LSAMP: variants seen among roughly 807,000 people sequenced by gnomAD.
LSAMP encodes limbic system-associated membrane protein.
Under a neutral mutation model 38.6 loss-of-function variants are expected in LSAMP, and 7 were observed. That is an observed-to-expected ratio of 0.18 (90% CI 0.10 to 0.34). The LOEUF (loss-of-function observed/expected upper bound fraction) is 0.34. Ranked by LOEUF, LSAMP falls within the 10% of genes least tolerant of loss-of-function variation. LSAMP has a pLI of 1.00. For synonymous variants in LSAMP, 154 were observed against 166.8 expected, an observed-to-expected ratio of 0.92 and a Z score of 0.59; for missense variants, 313 against 420.0, an observed-to-expected ratio of 0.75 and a Z score of 2.23.
At chr3:115,914,439 G>A (rs919101906) in intron 3 of LSAMP, among the ~76,000 whole-genome samples, 11 of 152,172 alleles carry the variant, frequency 7.2e-5, no homozygotes, top group Admixed American at 1.3e-4. Context: ...TCCCCCTATC[G>A]TTGGTGTTTC....
At chr3:115,833,032 A>G (rs1000519303) in intron 6 of LSAMP, among the ~76,000 whole-genome samples, 8 of 152,322 alleles carry the variant, frequency 5.3e-5, no homozygotes, top group Admixed American at 5.2e-4. Flanking sequence ...GCTCTCACAA[A>G]TGATACCTAG....
chr3:116,388,035 C>T (rs1192016550), intron 1 of LSAMP, among the ~76,000 whole-genome samples: 1 of 151,838 alleles, frequency 6.6e-6, no homozygotes, highest in African/African-American at 2.4e-5. Flanking sequence ...ACCTGGGAGG[C>T]GGAGCTTGTG....
At chr3:115,861,278 T>G (rs1393270520) in intron 3 of LSAMP, among the ~76,000 whole-genome samples, 1 of 151,806 alleles carries the variant, frequency 6.6e-6, no homozygotes, top group Non-Finnish European at 1.5e-5. Flanking sequence ...ATTCTATTTG[T>G]TTAAAGTCCT....
At chr3:116,046,736 T>C (rs1941297451) in intron 2 of LSAMP, among the ~76,000 whole-genome samples, 1 of 152,180 alleles carries the variant, frequency 6.6e-6, no homozygotes, top group African/African-American at 2.4e-5. Context: ...TTTCTTGCAT[T>C]TGCCCAAATA....
At chr3:116,041,796 C>CAAAAAAAAAAAA (rs148805855) in intron 2 of LSAMP, among the ~76,000 whole-genome samples, 1 of 57,080 alleles carries the variant, frequency 1.8e-5, no homozygotes, top group Non-Finnish European at 4.5e-5. Flanking sequence ...TGAAAGCATG[C>CAAAAAAAAAAAA]AAAAAAAAAC....
chr3:116,408,967 C>A (rs1269607810), intron 1 of LSAMP, among the ~76,000 whole-genome samples: 3 of 151,976 alleles, frequency 2.0e-5, no homozygotes, highest in African/African-American at 7.3e-5. Context: ...CTTGCTGTTG[C>A]GTCATTGTGC....
intron 5 of LSAMP, 30 bp downstream of exon 5, chr3:115,842,428 G>C: frequency 6.2e-7 from 1 of 1,610,776 alleles, no homozygotes; most frequent in Non-Finnish European, 8.5e-7. Context: ...ATGCAGTGGA[G>C]TCATGGGGGA....
chr3:115,973,708 T>C (rs923583980), intron 3 of LSAMP, among the ~76,000 whole-genome samples: 2 of 152,168 alleles, frequency 1.3e-5, no homozygotes, highest in African/African-American at 2.4e-5. Context: ...CACTTCAGCC[T>C]GGGTGGCAAG....
chr3:115,914,097 C>G (rs1446255426), intron 3 of LSAMP, among the ~76,000 whole-genome samples: 1 of 152,134 alleles, frequency 6.6e-6, no homozygotes, highest in African/African-American at 2.4e-5. Context: ...TCCGCAGATA[C>G]AAGTTAGAGT....
chr3:116,368,249 T>C (rs2048382368), intron 1 of LSAMP: 1 of 152,186 alleles, frequency 6.6e-6, no homozygotes, highest in Non-Finnish European at 1.5e-5. Flanking sequence ...ACTAGGCTAA[T>C]ACACAATGAT....
chr3:115,818,848 A>G (rs1204687231), intron 6 of LSAMP, among the ~76,000 whole-genome samples: 3 of 132,472 alleles, frequency 2.3e-5, no homozygotes, highest in Non-Finnish European at 3.2e-5. Flanking sequence ...TGAACAAACA[A>G]TGGGAGATTC....
chr3:116,119,612 T>G (rs1708830080), intron 1 of LSAMP, among the ~76,000 whole-genome samples: 1 of 151,904 alleles, frequency 6.6e-6, no homozygotes, highest in Non-Finnish European at 1.5e-5. Context: ...GGATACATAA[T>G]CATTTATATA....
chr3:115,974,797 T>G (rs1384311712), intron 3 of LSAMP, among the ~76,000 whole-genome samples: 2 of 152,078 alleles, frequency 1.3e-5, no homozygotes, highest in African/African-American at 4.8e-5. Context: ...AGGGCTGGAT[T>G]CTGTTTAGCC....
chr3:115,812,198 T>G (rs1933856313), intron 6 of LSAMP, among the ~76,000 whole-genome samples: 1 of 152,196 alleles, frequency 6.6e-6, no homozygotes. Context: ...ATACAAACTT[T>G]GATCAGCATA....
rs1462843735 is a variant in LSAMP, at chr3:116,147,783, C to T, written c.156-61227G>A. Among the ~76,000 whole-genome samples, 3 of 151,886 alleles carry T rather than the reference C, an allele frequency of 2.0e-5. No homozygotes were observed. The East Asian group carries it at 5.8e-4, about 29-fold the overall frequency. ...TTTCACCTGGCCAACAGCAATTGAC[C>T]TCACTTAAGTTAGTCAGATGGTGTC... On this transcript the variant is annotated intron_variant, in intron 1 of 6. Transcript: ENST00000490035.
At chr3:116,408,313 G>A (rs1005562104) in intron 1 of LSAMP, among the ~76,000 whole-genome samples, 3 of 152,014 alleles carry the variant, frequency 2.0e-5, no homozygotes, top group Non-Finnish European at 2.9e-5. Context: ...TTCTAAAAGT[G>A]CAGAAAGAAT....
At chr3:116,306,781 G>A (rs2047490453) in intron 1 of LSAMP, among the ~76,000 whole-genome samples, 1 of 151,966 alleles carries the variant, frequency 6.6e-6, no homozygotes. Flanking sequence ...CATTTTGAGT[G>A]AAAACAGGTT....
intron 1 of LSAMP, among the ~76,000 whole-genome samples, chr3:116,427,109 CTTTTT>C (rs758726064): frequency 5.2e-5 from 5 of 95,394 alleles, no homozygotes; most frequent in Admixed American, 1.2e-4. Flanking sequence ...CTCTTTCTTT[CTTTTT>C]TTTTTTTTTT....
At chr3:116,137,961 G>A (rs78383949) in intron 1 of LSAMP, among the ~76,000 whole-genome samples, 8,168 of 152,224 alleles carry the variant, frequency 0.054, 288 homozygotes, top group Middle Eastern at 0.16. Flanking sequence ...CAAAGGGCAA[G>A]AGCTAAGGAA....
Sources: allele counts gnomAD v4.1 joint callset (sites outside exome capture counted in the v4.1 genomes callset), GRCh38; gene constraint gnomAD v4.1.1; transcripts MANE v1.5; gene names NCBI Gene and HGNC (gene_info 2026-07-23, HGNC 2026-07-21).